The following ZDHHC13 variants were observed in gnomAD, a reference collection of about 807,000 sequenced individuals.
The protein encoded by ZDHHC13 is palmitoyltransferase ZDHHC13.
ZDHHC13 carries 85 observed loss-of-function variants against 86.0 expected under a neutral mutation model. That is an observed-to-expected ratio of 0.99 (90% CI 0.83 to 1.18). The LOEUF is 1.18. Ranked by LOEUF, ZDHHC13 falls within the 50% of genes most tolerant of loss-of-function variation. The pLI is 0.00. For synonymous variants in ZDHHC13, 263 were observed against 246.4 expected (o/e 1.07, Z -0.63); for missense variants, 711 against 730.2 (o/e 0.97, Z 0.30).
chr11:19,149,161 A>G (rs1161028442), intron 4 of ZDHHC13, 26 bp from the exon 5 acceptor site: 15 of 1,503,362 alleles, frequency 1.0e-5, no homozygotes, highest in African/African-American at 1.4e-5. Flanking sequence ...CATGCTACAG[A>G]ATGGCTTTTT....
At chr11:19,154,959 C>G (rs775084441) in intron 8 of ZDHHC13, among the ~76,000 whole-genome samples, 2 of 152,170 alleles carry the variant, frequency 1.3e-5, no homozygotes, top group African/African-American at 2.4e-5. Flanking sequence ...AATGCTAGAC[C>G]TACTTTTGAC....
At position 19,121,924 on chromosome 11, in the gene ZDHHC13, C is replaced by T. The variant is rs189890113; in HGVS notation, c.27+4648C>T. ...GTACCAGGAATTTGGTTATTTGGCC[C>T]GTGTCATCAGTGCAATCAGGAGAGA... On this transcript the variant is annotated intron_variant, in intron 1 of 16. Coordinates refer to ENST00000446113, the MANE Select transcript of ZDHHC13 (RefSeq NM_019028.3). Among the ~76,000 whole-genome samples, 11 of 152,138 alleles carry T rather than the reference C, an allele frequency of 7.2e-5. No individual in the cohort carries two copies. The East Asian group carries it at 1.5e-3, about 21-fold the overall frequency.
intron 1 of ZDHHC13, among the ~76,000 whole-genome samples, chr11:19,120,348 C>G (rs1848736638): frequency 6.6e-6 from 1 of 152,184 alleles, no homozygotes; most frequent in Non-Finnish European, 1.5e-5. Context: ...AGTGTCTTCA[C>G]TTACATCTGG....
chr11:19,157,671 C>T (rs905186781), intron 9 of ZDHHC13, among the ~76,000 whole-genome samples: 1 of 152,344 alleles, frequency 6.6e-6, no homozygotes, highest in South Asian at 2.1e-4. Flanking sequence ...AGAGTCATCA[C>T]TCCTTTTTCA....
chr11:19,129,408 T>C (rs2133369724), intron 1 of ZDHHC13, among the ~76,000 whole-genome samples: 1 of 152,292 alleles, frequency 6.6e-6, no homozygotes, highest in African/African-American at 2.4e-5. Flanking sequence ...CTTTATTCGA[T>C]TGAGGAGGTT....
Position 19,163,441 on chromosome 11 carries a change from G to A in ZDHHC13, c.1233+14G>A, listed in dbSNP as rs942671103. On this transcript the variant is annotated intron_variant, in intron 11 of 16. Coordinates refer to ENST00000446113, the MANE Select transcript of ZDHHC13 (RefSeq NM_019028.3). ...GAAAAGAAAGTGGTGAGATTTCTTC[G>A]TTACTGATATTTTTAATAGGAGGGT... is the stretch of plus-strand genomic sequence containing the variant. 3.7e-5 allele frequency: 58 copies of A among 1,568,718 alleles called. No homozygotes were observed. Among genetic ancestry groups the A allele is most frequent in the Non-Finnish European group, 4.5e-5 (52 of 1,164,070 alleles).
At chr11:19,137,793 A>G (rs1330796159) in intron 1 of ZDHHC13, among the ~76,000 whole-genome samples, 68 of 152,390 alleles carry the variant, frequency 4.5e-4, no homozygotes, top group African/African-American at 1.3e-3. Context: ...AAACTGAACA[A>G]CCTGCTCCTG....
Position 19,159,052 on chromosome 11 carries a change from G to A in ZDHHC13, c.1108+12G>A, listed in dbSNP as rs769506444. ...CTTATTTTTTCCTGATATCCTTTAA[G>A]CATCAATTTTGATGTGTATCTCATT... On this transcript the variant is annotated intron_variant, in intron 10 of 16. Transcript: ENST00000446113. 6 of 1,522,000 alleles carry A rather than the reference G, an allele frequency of 3.9e-6. No homozygotes were observed. The South Asian group carries it at 7.4e-5, about 19-fold the overall frequency. The allele number at this position is 1,522,000 out of a possible 1,614,324, so 94.3% of individuals were successfully genotyped here.
At chr11:19,125,086 A>G (rs1445112184) in intron 1 of ZDHHC13, among the ~76,000 whole-genome samples, 2 of 152,208 alleles carry the variant, frequency 1.3e-5, no homozygotes, top group African/African-American at 4.8e-5. Context: ...ACGTGACACC[A>G]AAAGCACAAT....
chr11:19,140,100 A>C (rs1443189026), intron 1 of ZDHHC13, among the ~76,000 whole-genome samples: 1 of 149,350 alleles, frequency 6.7e-6, no homozygotes, highest in Non-Finnish European at 1.5e-5. Context: ...CTGCACAGCA[A>C]AAGAAACTAC....
chr11:19,165,029 G>A (rs1330905221), intron 12 of ZDHHC13, 23 bp from the exon 13 acceptor site: 3 of 1,603,196 alleles, frequency 1.9e-6, no homozygotes, highest in Non-Finnish European at 2.6e-6. Flanking sequence ...TTTTGCTTAG[G>A]CCTCTCTTAA....
chr11:19,143,350 G>T (rs1849375276), intron 2 of ZDHHC13, among the ~76,000 whole-genome samples: 1 of 152,198 alleles, frequency 6.6e-6, no homozygotes, highest in African/African-American at 2.4e-5. Context: ...CTTAGCAAAA[G>T]CATGTCTTCA....
At chr11:19,166,494 C>T (rs182833860) in intron 14 of ZDHHC13, 109 bp downstream of exon 14, 1 of 834,910 alleles carries the variant, frequency 1.2e-6, no homozygotes, top group East Asian at 2.8e-5. Flanking sequence ...AAACCATACT[C>T]CTAATAAAAA....
chr11:19,134,255 G>T (rs1849073117), intron 1 of ZDHHC13, among the ~76,000 whole-genome samples: 1 of 151,956 alleles, frequency 6.6e-6, no homozygotes, highest in Admixed American at 6.6e-5. Context: ...CAGTACTTTG[G>T]GAAACAGAGG....
chr11:19,118,961 G>A (rs545636695), intron 1 of ZDHHC13: 1 of 152,296 alleles, frequency 6.6e-6, no homozygotes, highest in African/African-American at 2.4e-5. Flanking sequence ...GCCAGGCACC[G>A]TTTTAGGTGC....
rs750366322 is a variant in ZDHHC13, at chr11:19,164,352, ACAT to A, written c.1289_1291del (p.Ser430del). 1 of 1,613,102 alleles carries A rather than the reference ACAT, an allele frequency of 6.2e-7. No homozygotes were observed. Among genetic ancestry groups the A allele is most frequent in the East Asian group, 2.2e-5 (1 of 44,852 alleles). On this transcript the variant is annotated inframe_deletion, in exon 12 of 17. Coordinates refer to ENST00000446113, the MANE Select transcript of ZDHHC13 (RefSeq NM_019028.3). ...CTCTCTGGACTTCAGAACATTTTGT[ACAT>A]CATGTCTTGTGAGTTTTTTCATATA...
At chr11:19,133,910 G>A (rs557652954) in intron 1 of ZDHHC13, among the ~76,000 whole-genome samples, 8 of 47,242 alleles carry the variant, frequency 1.7e-4, no homozygotes, top group East Asian at 5.7e-4. Context: ...TACTCTTTAC[G>A]AAAGAAGTCC....
intron 1 of ZDHHC13, among the ~76,000 whole-genome samples, chr11:19,125,549 A>C (rs1848855455): frequency 1.3e-5 from 2 of 152,214 alleles, no homozygotes; most frequent in South Asian, 4.1e-4. Flanking sequence ...ATAGTTTAGC[A>C]GTTTCTCATA....
chr11:19,146,884 G>A (rs530332035), intron 3 of ZDHHC13, among the ~76,000 whole-genome samples: 1 of 152,188 alleles, frequency 6.6e-6, no homozygotes, highest in South Asian at 2.1e-4. Context: ...CAAAGTTTAA[G>A]AAATTTATTA....
Sources: gnomAD v4.1 joint callset for allele counts (sites outside exome capture counted in the v4.1 genomes callset) on GRCh38, gnomAD v4.1.1 for gene constraint, MANE v1.5 for transcripts, NCBI Gene and HGNC (gene_info 2026-07-23, HGNC 2026-07-21) for gene names.